CACNA2D3: variants seen among roughly 807,000 people sequenced by gnomAD.
CACNA2D3 encodes the protein voltage-dependent calcium channel subunit alpha-2/delta-3.
A neutral mutation model predicts 160.6 loss-of-function variants in CACNA2D3; 60 were observed. That is an observed-to-expected ratio of 0.37 (90% CI 0.30 to 0.46). The LOEUF is 0.46. CACNA2D3 is among the 20% of genes least tolerant of loss of function. The pLI is 1.00. For synonymous variants in CACNA2D3, 558 were observed against 492.9 expected (o/e 1.13, Z -1.75); for missense variants, 1,205 against 1,365.0 (o/e 0.88, Z 1.85).
intron 17 of CACNA2D3, among the ~76,000 whole-genome samples, chr3:54,871,159 T>A (rs1312118415): frequency 6.7e-6 from 1 of 148,240 alleles, no homozygotes; most frequent in Non-Finnish European, 1.5e-5. Context: ...TTACATTGTT[T>A]ACATGTATAC....
chr3:54,658,777 C>G (rs919138099), intron 11 of CACNA2D3, among the ~76,000 whole-genome samples: 2 of 151,906 alleles, frequency 1.3e-5, no homozygotes, highest in Non-Finnish European at 2.9e-5. Flanking sequence ...AAAGATCCCC[C>G]CAAACCTCCA....
intron 4 of CACNA2D3, among the ~76,000 whole-genome samples, chr3:54,437,965 G>A (rs1700084853): frequency 6.6e-6 from 1 of 152,172 alleles, no homozygotes; most frequent in Non-Finnish European, 1.5e-5. Flanking sequence ...TGAGGTAGGA[G>A]GATGATGCAT....
At chr3:54,202,353 C>T (rs1701194379) in intron 2 of CACNA2D3, among the ~76,000 whole-genome samples, 1 of 152,228 alleles carries the variant, frequency 6.6e-6, no homozygotes, top group African/African-American at 2.4e-5. Context: ...TCTGTGAGCT[C>T]ATCTGGCTGT....
At chr3:54,820,447 A>AT (rs1227447120) in intron 14 of CACNA2D3, among the ~76,000 whole-genome samples, 2 of 152,096 alleles carry the variant, frequency 1.3e-5, no homozygotes, top group Admixed American at 6.5e-5. Flanking sequence ...AAAAAATATT[A>AT]TTTTTTCTGT....
chr3:54,191,358 C>T (rs557109710), intron 2 of CACNA2D3, among the ~76,000 whole-genome samples: 2 of 152,044 alleles, frequency 1.3e-5, no homozygotes, highest in South Asian at 4.2e-4. Context: ...GCCTTCTGGC[C>T]ATATTTAATG....
At chr3:54,252,806 C>T (rs1702221133) in intron 2 of CACNA2D3, among the ~76,000 whole-genome samples, 2 of 152,138 alleles carry the variant, frequency 1.3e-5, no homozygotes, top group Admixed American at 6.5e-5. Context: ...TGACCAAGGG[C>T]ACCATGAGAG....
At chr3:54,561,264 G>A (rs1702320408) in intron 5 of CACNA2D3, among the ~76,000 whole-genome samples, 2 of 152,130 alleles carry the variant, frequency 1.3e-5, no homozygotes, top group South Asian at 4.1e-4. Flanking sequence ...GCAGTGGTTT[G>A]TAGTTCTCCT....
At chr3:54,135,470 A>G (rs373917438) in intron 2 of CACNA2D3, among the ~76,000 whole-genome samples, 1 of 151,776 alleles carries the variant, frequency 6.6e-6, no homozygotes, top group Non-Finnish European at 1.5e-5. Flanking sequence ...GCACCAACAC[A>G]CCCCCGGACA....
At chr3:54,468,584 T>C (rs1337261341) in intron 4 of CACNA2D3, among the ~76,000 whole-genome samples, 1 of 151,810 alleles carries the variant, frequency 6.6e-6, no homozygotes, top group African/African-American at 2.4e-5. Context: ...CAGAACCGTT[T>C]CCCCCCTCTG....
At chr3:54,474,135 C>G (rs7434222) in intron 4 of CACNA2D3, among the ~76,000 whole-genome samples, 1 of 151,962 alleles carries the variant, frequency 6.6e-6, no homozygotes, top group Non-Finnish European at 1.5e-5. Flanking sequence ...ATAGCAAAGA[C>G]TTGGAACCAA....
At chr3:54,528,827 G>A (rs1399894177) in intron 5 of CACNA2D3, among the ~76,000 whole-genome samples, 1 of 152,120 alleles carries the variant, frequency 6.6e-6, no homozygotes, top group Admixed American at 6.6e-5. Flanking sequence ...CCCTAATAAA[G>A]AAAAATGTGA....
intron 9 of CACNA2D3, among the ~76,000 whole-genome samples, chr3:54,622,027 A>G (rs1476098320): frequency 2.0e-5 from 3 of 152,174 alleles, no homozygotes; most frequent in Non-Finnish European, 4.4e-5. Context: ...AGGCACAGAT[A>G]AGGCAGTGTC....
At chr3:54,380,514 G>A (rs895002751) in intron 3 of CACNA2D3, among the ~76,000 whole-genome samples, 2 of 152,158 alleles carry the variant, frequency 1.3e-5, no homozygotes, top group South Asian at 2.1e-4. Context: ...CGAGGCAGGC[G>A]GATCACGAGG....
Position 54,137,893 on chromosome 3 carries a change from G to A in CACNA2D3, c.204+14299G>A, listed in dbSNP as rs576850237. On this transcript the variant is annotated intron_variant, in intron 2 of 37. Transcript: ENST00000474759. ...AACCCGTGCTCTAAATGTTACCGGG[G>A]TAAATTATAAGTTAGTTCAGTTTTA... Among the ~76,000 whole-genome samples, 405 of 152,300 alleles carry A rather than the reference G, an allele frequency of 2.7e-3. 5 individuals carry two copies. Among genetic ancestry groups the A allele is most frequent in the Non-Finnish European group, 4.1e-3 (279 of 68,026 alleles).
intron 2 of CACNA2D3, among the ~76,000 whole-genome samples, chr3:54,242,649 T>A (rs899963211): frequency 6.6e-6 from 1 of 152,182 alleles, no homozygotes; most frequent in African/African-American, 2.4e-5. Flanking sequence ...ATATATGGTG[T>A]GACTACGCCC....
At chr3:54,593,825 C>G (rs1380675952) in intron 9 of CACNA2D3, among the ~76,000 whole-genome samples, 2 of 152,124 alleles carry the variant, frequency 1.3e-5, no homozygotes, top group African/African-American at 2.4e-5. Flanking sequence ...AGCTATTTCA[C>G]AGTGATTCAA....
chr3:54,827,979 A>G (rs1703782197), intron 14 of CACNA2D3, among the ~76,000 whole-genome samples: 1 of 152,226 alleles, frequency 6.6e-6, no homozygotes, highest in Admixed American at 6.5e-5. Context: ...ACTTTGCTTC[A>G]TTAACAGTTT....
chr3:54,383,874 C>T (rs1019456276), intron 3 of CACNA2D3, among the ~76,000 whole-genome samples: 1 of 152,114 alleles, frequency 6.6e-6, no homozygotes, highest in African/African-American at 2.4e-5. Context: ...GTGTTGTTAC[C>T]TACTTTGTAT....
chr3:54,192,014 C>T (rs1459110284), intron 2 of CACNA2D3, among the ~76,000 whole-genome samples: 7 of 152,032 alleles, frequency 4.6e-5, no homozygotes, highest in Non-Finnish European at 8.8e-5. Context: ...TTGGGACCTG[C>T]CAGCTGCCTT....
Sources: allele counts gnomAD v4.1 joint callset (sites outside exome capture counted in the v4.1 genomes callset), GRCh38; gene constraint gnomAD v4.1.1; transcripts MANE v1.5; gene names NCBI Gene and HGNC (gene_info 2026-07-23, HGNC 2026-07-21).